The following WASL variants were observed in gnomAD, a reference collection of about 807,000 sequenced individuals.
WASL encodes the protein WASP like actin nucleation promoting factor, also known as actin nucleation-promoting factor WASL.
Under a neutral mutation model 55.5 loss-of-function variants are expected in WASL, and 20 were observed. The observed-to-expected ratio is 0.36, with a 90% CI of 0.25 to 0.52. WASL has a LOEUF of 0.52. Among genes scored for constraint, WASL ranks in the 20% least tolerant of loss-of-function variants. The pLI, the probability that WASL is intolerant of heterozygous loss-of-function variation, is 0.92. For synonymous variants in WASL, 249 were observed against 217.6 expected (o/e 1.14, Z -1.27); for missense variants, 504 against 622.5 (o/e 0.81, Z 2.03).
intron 8 of WASL, among the ~76,000 whole-genome samples, chr7:123,693,822 A>G (rs1301042955): frequency 1.3e-5 from 2 of 152,102 alleles, no homozygotes; most frequent in Non-Finnish European, 2.9e-5. Context: ...AAAAATTAGC[A>G]GGGTGTAGTG....
chr7:123,709,069 G>A lies in WASL; in HGVS notation c.252+20C>T, dbSNP rs1803716319. On this transcript the variant is annotated intron_variant, in intron 2 of 10. Transcript: ENST00000223023. ...AAAACCTAATCACCTAGTTTAAAGT[G>A]AAAGCAAAACAAAACTCACCTTAAT... The A allele has an allele frequency of 6.3e-7, 1 of 1,586,606 alleles. No homozygotes were observed. The highest frequency in any genetic ancestry group is 2.3e-5 in the East Asian group (1 of 44,322).
At chr7:123,694,536 GTT>G (rs971468163) in intron 8 of WASL, among the ~76,000 whole-genome samples, 177 bp downstream of exon 8, 6 of 152,042 alleles carry the variant, frequency 3.9e-5, no homozygotes, top group Non-Finnish European at 4.4e-5. Context: ...ACCTTGTAAA[GTT>G]TTTTTAGTTA....
chr7:123,719,765 T>C (rs1803906493), intron 1 of WASL, among the ~76,000 whole-genome samples: 1 of 152,180 alleles, frequency 6.6e-6, no homozygotes, highest in East Asian at 1.9e-4. Flanking sequence ...CCTTGCAACA[T>C]ATTTTCATAC....
chr7:123,683,765 A>T lies in WASL; in HGVS notation c.*754T>A, dbSNP rs1803240296. On this transcript the variant is annotated 3_prime_UTR_variant, in exon 11 of 11. Coordinates refer to ENST00000223023, the MANE Select transcript of WASL (RefSeq NM_003941.4). Reference sequence around the variant, plus strand: ...TAAATTTTGTTTCAGAGTAATACCAAAAAAATTTTCAAAAATTTTGCTAAA... The same window carrying T: ...TAAATTTTGTTTCAGAGTAATACCATAAAAATTTTCAAAAATTTTGCTAAA... 1 of 152,152 alleles carries T rather than the reference A, an allele frequency of 6.6e-6. No homozygotes were observed. The highest frequency in any genetic ancestry group is 2.1e-4 in the South Asian group (1 of 4,832). The allele number at this position is 152,152 out of a possible 1,614,324, so 9.4% of individuals were successfully genotyped here.
At chr7:123,740,479 T>C (rs1297190229) in intron 1 of WASL, among the ~76,000 whole-genome samples, 1 of 152,184 alleles carries the variant, frequency 6.6e-6, no homozygotes, top group Non-Finnish European at 1.5e-5. Flanking sequence ...ACACTATATT[T>C]ATGAATATGG....
chr7:123,708,974 T>C, intron 2 of WASL, 115 bp downstream of exon 2: 2 of 997,534 alleles, frequency 2.0e-6, no homozygotes, highest in Non-Finnish European at 2.7e-6. Context: ...TCTTCTAATA[T>C]TAGTTTATGT....
intron 5 of WASL, among the ~76,000 whole-genome samples, chr7:123,698,544 C>T (rs979589773): frequency 6.6e-6 from 1 of 151,864 alleles, no homozygotes; most frequent in Non-Finnish European, 1.5e-5. Context: ...TATTCAAATC[C>T]TATTTATATA....
Position 123,709,177 on chromosome 7 carries a change from C to T in WASL, c.164G>A (p.Cys55Tyr), listed in dbSNP as rs770149472. 18 of 1,612,520 alleles carry T rather than the reference C, an allele frequency of 1.1e-5. No individual in the cohort carries two copies. The East Asian group carries it at 2.0e-4, about 18-fold the overall frequency. ...VVQLYAADRN[C>Y]MWSKKCSGVA... is the part of the protein sequence containing the mutation. ...ACCACTGCACTTCTTTGACCACATA[C>T]AGTTCCGATCTGCTGCATATAACTG... Residue 55 changes from cysteine to tyrosine, a missense_variant, in exon 2 of 11, where the codon TGT (cysteine) becomes TAT (tyrosine). This residue lies in a region of WASL where 230 missense variants were observed against 271.9 expected (regional missense o/e 0.85). Coordinates refer to ENST00000223023, the MANE Select transcript of WASL (RefSeq NM_003941.4).
Position 123,709,460 on chromosome 7 carries a change from T to G in WASL, c.118-237A>C, listed in dbSNP as rs149811128. 3.3e-3 allele frequency among the ~76,000 whole-genome samples: 502 copies of G among 152,338 alleles called. 10 individuals are homozygous for G. Among genetic ancestry groups the G allele is most frequent in the Admixed American group, 0.031 (471 of 15,286 alleles). On this transcript the variant is annotated intron_variant, in intron 1 of 10. Coordinates refer to ENST00000223023, the MANE Select transcript of WASL (RefSeq NM_003941.4). ...ACATAACAATAATTACTGAAAACAT[T>G]TATTGATGCTTAAAATGTGTTAGGA...
At chr7:123,701,876 A>G (rs1803596199) in intron 5 of WASL, among the ~76,000 whole-genome samples, 2 of 151,828 alleles carry the variant, frequency 1.3e-5, no homozygotes, top group South Asian at 4.2e-4. Context: ...TCCATATTAT[A>G]TGTATATTTT....
intron 3 of WASL, among the ~76,000 whole-genome samples, 163 bp from the exon 4 acceptor site, chr7:123,706,536 TGAA>T (rs1274031434): frequency 6.6e-6 from 1 of 152,186 alleles, no homozygotes; most frequent in Non-Finnish European, 1.5e-5. Context: ...CACAAAAGCA[TGAA>T]GAAGTTCAAG....
intron 1 of WASL, among the ~76,000 whole-genome samples, chr7:123,713,132 A>T (rs944650149): frequency 6.6e-6 from 1 of 152,178 alleles, no homozygotes; most frequent in Non-Finnish European, 1.5e-5. Context: ...AATGTTAAAG[A>T]AAATATTTAA....
intron 1 of WASL, among the ~76,000 whole-genome samples, chr7:123,748,052 T>C (rs1804467462): frequency 6.6e-6 from 1 of 152,036 alleles, no homozygotes; most frequent in Non-Finnish European, 1.5e-5. Context: ...ATAAATCTTG[T>C]TTCTCTTTAA....
chr7:123,733,792 G>A (rs1804179966), intron 1 of WASL, among the ~76,000 whole-genome samples: 1 of 151,846 alleles, frequency 6.6e-6, no homozygotes, highest in Non-Finnish European at 1.5e-5. Flanking sequence ...TAGACTGGTG[G>A]CCCAGAAGTA....
chr7:123,703,415 T>TA (rs1240952031), intron 5 of WASL, among the ~76,000 whole-genome samples: 1 of 152,220 alleles, frequency 6.6e-6, no homozygotes, highest in African/African-American at 2.4e-5. Context: ...TAGTAGTTGC[T>TA]ATTATTGTTG....
intron 4 of WASL, 105 bp from the exon 5 acceptor site, chr7:123,704,762 G>T: frequency 1.4e-6 from 1 of 691,094 alleles, no homozygotes; most frequent in Non-Finnish European, 2.2e-6. Context: ...TGACATACGT[G>T]TGACTAAGGA....
intron 1 of WASL, among the ~76,000 whole-genome samples, chr7:123,747,135 A>G (rs986420629): frequency 6.6e-6 from 1 of 152,218 alleles, no homozygotes; most frequent in Non-Finnish European, 1.5e-5. Context: ...ATACCCTTCT[A>G]AAACAACATG....
chr7:123,685,766 A>G (rs982735671), intron 10 of WASL, among the ~76,000 whole-genome samples: 1 of 150,830 alleles, frequency 6.6e-6, no homozygotes, highest in Admixed American at 6.6e-5. Flanking sequence ...ATACTTCTAT[A>G]TTATACTGAC....
intron 10 of WASL, among the ~76,000 whole-genome samples, chr7:123,685,929 T>C (rs1419064642): frequency 3.4e-5 from 5 of 148,872 alleles, no homozygotes; most frequent in African/African-American, 9.8e-5. Context: ...AGGCCAAGTA[T>C]ATAAAGTGGG....
Sources: gnomAD v4.1 joint callset for allele counts (sites outside exome capture counted in the v4.1 genomes callset) on GRCh38, gnomAD v4.1.1 for gene constraint, gnomAD v4.1.1 regional missense constraint, MANE v1.5 for transcripts, NCBI Gene and HGNC (gene_info 2026-07-23, HGNC 2026-07-21) for gene names.